DOCK9: variants seen among roughly 807,000 people sequenced by gnomAD.
The protein encoded by DOCK9 is dedicator of cytokinesis protein 9.
A neutral mutation model predicts 263.3 loss-of-function variants in DOCK9; 89 were observed. The ratio of observed to expected loss-of-function variants is 0.34; its 90% confidence interval spans 0.28 to 0.40. The LOEUF (loss-of-function observed/expected upper bound fraction) is 0.40. Ranked by LOEUF, DOCK9 falls within the 10% of genes least tolerant of loss-of-function variation. The probability of loss-of-function intolerance (pLI) is 1.00; values close to 1 mark genes in which losing one functional copy is unlikely to be tolerated. For synonymous variants in DOCK9, 976 were observed against 973.1 expected (o/e 1.00, Z -0.06); for missense variants, 2,140 against 2,603.4 (o/e 0.82, Z 3.87).
intron 2 of DOCK9, among the ~76,000 whole-genome samples, chr13:98,931,530 C>A (rs1268487747): frequency 6.6e-6 from 1 of 151,918 alleles, no homozygotes; most frequent in Admixed American, 6.5e-5. Flanking sequence ...AATCTCCTGA[C>A]CTCGTGATCT....
At chr13:98,944,361 G>C (rs1296599514) in intron 2 of DOCK9, among the ~76,000 whole-genome samples, 1 of 111,958 alleles carries the variant, frequency 8.9e-6, no homozygotes, top group Non-Finnish European at 1.7e-5. Flanking sequence ...CAAAAATCAC[G>C]TCACAGTGTC....
intron 1 of DOCK9, among the ~76,000 whole-genome samples, chr13:99,005,584 T>C (rs958377614): frequency 1.3e-5 from 2 of 152,130 alleles, no homozygotes; most frequent in African/African-American, 4.8e-5. Flanking sequence ...GAGTAAGGAA[T>C]GGATTATTCA....
intron 1 of DOCK9, among the ~76,000 whole-genome samples, chr13:98,992,003 CCTACAT>C (rs1879917514): frequency 1.3e-5 from 2 of 152,072 alleles, no homozygotes; most frequent in Non-Finnish European, 1.5e-5. Flanking sequence ...AAGCCAGGCT[CCTACAT>C]CATCACATGG....
intron 1 of DOCK9, among the ~76,000 whole-genome samples, chr13:98,996,096 T>C (rs1880973021): frequency 6.6e-6 from 1 of 152,188 alleles, no homozygotes; most frequent in Non-Finnish European, 1.5e-5. Context: ...AAATAGCAGA[T>C]GGCATATGGA....
intron 10 of DOCK9, among the ~76,000 whole-genome samples, chr13:98,903,428 C>CA (rs1413012632): frequency 2.6e-5 from 4 of 151,684 alleles, no homozygotes; most frequent in South Asian, 2.1e-4. Context: ...CCCGTCTCTA[C>CA]AAAAAATACA....
intron 27 of DOCK9, chr13:98,872,091 A>G (rs1188954525): frequency 2.0e-5 from 3 of 152,598 alleles, no homozygotes; most frequent in East Asian, 3.9e-4. Context: ...TGTGCTGCCC[A>G]ATCATTGCTT....
intron 34 of DOCK9, among the ~76,000 whole-genome samples, chr13:98,853,918 T>C (rs1329883095): frequency 2.0e-5 from 3 of 152,086 alleles, no homozygotes; most frequent in Non-Finnish European, 1.5e-5. Context: ...ACCAACCACC[T>C]CCTGAGGACA....
intron 1 of DOCK9, among the ~76,000 whole-genome samples, chr13:99,034,274 G>A (rs530674235): frequency 1.1e-4 from 17 of 152,268 alleles, no homozygotes; most frequent in Admixed American, 1.0e-3. Context: ...CGGCAAAGCA[G>A]GTCACATCAC....
intron 37 of DOCK9, chr13:98,847,479 G>T (rs1332385999): frequency 6.6e-6 from 1 of 152,148 alleles, no homozygotes; most frequent in East Asian, 1.9e-4. Context: ...ATGAAAAATA[G>T]AAAATATTAA....
intron 45 of DOCK9, among the ~76,000 whole-genome samples, chr13:98,817,327 G>A (rs1198594005): frequency 6.6e-6 from 1 of 151,984 alleles, no homozygotes; most frequent in Non-Finnish European, 1.5e-5. Flanking sequence ...GTTACCTGAC[G>A]CCTCCTAGCC....
rs556498711 is a variant in DOCK9 at position 98,809,300 on chromosome 13, TG to T, written c.5367+51del. The T allele has an allele frequency of 2.1e-4, 294 of 1,431,036 alleles. 2 individuals carry two copies. The African/African-American group carries it at 3.5e-3, about 17-fold the overall frequency. 88.6% of individuals were successfully genotyped at this position (1,431,036 alleles called of 1,614,324 possible). A position where few individuals can be genotyped will look rare whatever the true frequency, so the allele number is the denominator to read the frequency against. ...ATAGTTTTTTTTTTGTTTTTGTTTTTGTTTTTTTTTAAAGGACTTAGGACAG... is the reference window on the plus strand; with the variant it reads ...ATAGTTTTTTTTTTGTTTTTGTTTTTTTTTTTTTTAAAGGACTTAGGACAG... On this transcript the variant is annotated intron_variant, in intron 47 of 52. Coordinates refer to ENST00000682017, the MANE Select transcript of DOCK9 (RefSeq NM_001366683.2).
At chr13:99,072,417 T>C (rs758221689) in intron 1 of DOCK9, among the ~76,000 whole-genome samples, 26 of 152,072 alleles carry the variant, frequency 1.7e-4, no homozygotes, top group Non-Finnish European at 2.8e-4. Flanking sequence ...CCAGGAGCAT[T>C]GTATAATATC....
At chr13:98,890,517 ACTTAGT>A (rs2046459044) in intron 15 of DOCK9, among the ~76,000 whole-genome samples, 2 of 152,202 alleles carry the variant, frequency 1.3e-5, no homozygotes. Context: ...ACACGATATG[ACTTAGT>A]CTTAGGAAAC....
At chr13:98,920,563 C>T (rs187212256) in intron 7 of DOCK9, among the ~76,000 whole-genome samples, 282 of 152,312 alleles carry the variant, frequency 1.9e-3, no homozygotes, top group Non-Finnish European at 3.0e-3. Flanking sequence ...ATCTACACCG[C>T]CACTGGTACT....
At chr13:98,868,472 C>A (rs998934263) in intron 27 of DOCK9, 95 bp from the exon 28 acceptor site, 1 of 1,390,892 alleles carries the variant, frequency 7.2e-7, no homozygotes, top group Non-Finnish European at 9.6e-7. Context: ...TTAAAAAACC[C>A]AGAGTTTCTA....
chr13:98,955,671 G>A, intron 1 of DOCK9, 120 bp from the exon 2 acceptor site: 1 of 663,648 alleles, frequency 1.5e-6, no homozygotes, highest in Non-Finnish European at 2.5e-6. Context: ...TGCTAGTTTT[G>A]GTATCACAAA....
chr13:98,856,857 C>A (rs2093718453), intron 33 of DOCK9: 1 of 152,042 alleles, frequency 6.6e-6, no homozygotes, highest in Non-Finnish European at 1.5e-5. Flanking sequence ...CCTAGGGATG[C>A]CACGAAATAA....
intron 27 of DOCK9, among the ~76,000 whole-genome samples, chr13:98,874,511 G>A (rs534728384): frequency 2.0e-4 from 30 of 152,276 alleles, no homozygotes; most frequent in African/African-American, 6.0e-4. Context: ...ATATCTAGAC[G>A]TGGAACTGCA....
At chr13:99,081,360 C>T (rs1188754651) in intron 1 of DOCK9, among the ~76,000 whole-genome samples, 1 of 152,148 alleles carries the variant, frequency 6.6e-6, no homozygotes, top group Non-Finnish European at 1.5e-5. Context: ...TTCTGTCTGC[C>T]CTCCTTCAGT....
Sources: allele counts gnomAD v4.1 joint callset (sites outside exome capture counted in the v4.1 genomes callset), GRCh38; gene constraint gnomAD v4.1.1; transcripts MANE v1.5; gene names NCBI Gene and HGNC (gene_info 2026-07-23, HGNC 2026-07-21).